ANK1: variants seen among roughly 807,000 people sequenced by gnomAD.
The protein encoded by ANK1 is ankyrin 1.
A neutral mutation model predicts 210.4 loss-of-function variants in ANK1; 51 were observed. That is an observed-to-expected ratio of 0.24 (90% CI 0.19 to 0.31). The LOEUF is 0.31. ANK1 is among the 10% of genes least tolerant of loss of function. The probability of loss-of-function intolerance (pLI) is 1.00; values close to 1 mark genes in which losing one functional copy is unlikely to be tolerated. For synonymous variants in ANK1, 967 were observed against 1,025.9 expected, an observed-to-expected ratio of 0.94 and a Z score of 1.10; for missense variants, 2,051 against 2,504.4, an observed-to-expected ratio of 0.82 and a Z score of 3.86.
intron 2 of ANK1, among the ~76,000 whole-genome samples, chr8:41,739,359 C>T (rs1314268399): frequency 6.6e-6 from 1 of 152,098 alleles, no homozygotes; most frequent in African/African-American, 2.4e-5. Context: ...TTTCCATCTA[C>T]TCATGAATGT....
At chr8:41,764,771 C>T (rs1203612500) in intron 1 of ANK1, among the ~76,000 whole-genome samples, 1 of 152,226 alleles carries the variant, frequency 6.6e-6, no homozygotes, top group African/African-American at 2.4e-5. Flanking sequence ...TCCCTGCTGC[C>T]TAATCAATGT....
chr8:41,877,829 AG>A (rs1563952024), intron 1 of ANK1, among the ~76,000 whole-genome samples: 2 of 152,228 alleles, frequency 1.3e-5, no homozygotes, highest in Non-Finnish European at 2.9e-5. Flanking sequence ...TCATGGCTGC[AG>A]AGAAGACAGG....
At chr8:41,664,944 T>A in intron 39 of ANK1, 2 of 1,614,250 alleles carry the variant, frequency 1.2e-6, no homozygotes, top group Non-Finnish European at 1.7e-6. Context: ...CCTGACAATG[T>A]GCATCACGTT....
At chr8:41,863,184 C>T (rs2150819523) in intron 1 of ANK1, among the ~76,000 whole-genome samples, 1 of 152,004 alleles carries the variant, frequency 6.6e-6, no homozygotes, top group East Asian at 1.9e-4. Flanking sequence ...CGGTGAAACC[C>T]CATCTCTACT....
chr8:41,751,336 G>A (rs1017341530), intron 2 of ANK1, among the ~76,000 whole-genome samples: 3 of 152,184 alleles, frequency 2.0e-5, no homozygotes, highest in Admixed American at 2.0e-4. Flanking sequence ...CCAATCATGG[G>A]TTTTGCCTCA....
At chr8:41,697,968 C>A in intron 24 of ANK1, 75 bp downstream of exon 24, 1 of 1,420,516 alleles carries the variant, frequency 7.0e-7, no homozygotes. Flanking sequence ...TACGTACAGG[C>A]CACCCCTCAA....
intron 1 of ANK1, among the ~76,000 whole-genome samples, chr8:41,761,121 ATG>A (rs1456566747): frequency 1.5e-5 from 2 of 136,454 alleles, no homozygotes; most frequent in African/African-American, 5.5e-5. Context: ...GAAGACACAC[ATG>A]CACACACACA....
At chr8:41,760,702 C>A (rs1438392511) in intron 1 of ANK1, among the ~76,000 whole-genome samples, 1 of 152,168 alleles carries the variant, frequency 6.6e-6, no homozygotes, top group African/African-American at 2.4e-5. Context: ...AGAGTAAAGC[C>A]TTTCTTGTCC....
In ANK1 at chr8:41,840,962, T is replaced by C. The variant is rs1357223031; in HGVS notation, c.126+55393A>G. ...TTATCCACTGATGGGGAATGAGAAA[T>C]GGTGTCGCTGCTACAGAGAACAGTG... On this transcript the variant is annotated intron_variant, in intron 1 of 42. Coordinates refer to the ANK1 transcript ENST00000265709. Among the ~76,000 whole-genome samples the C allele has an allele frequency of 2.6e-5, 4 of 152,244 alleles. No individual in the cohort carries two copies. In the East Asian group the frequency reaches 5.8e-4, roughly 22 times the overall value.
At chr8:41,759,713 C>T (rs1839991446) in intron 1 of ANK1, among the ~76,000 whole-genome samples, 1 of 152,140 alleles carries the variant, frequency 6.6e-6, no homozygotes, top group African/African-American at 2.4e-5. Context: ...ACAGGGGGTT[C>T]TGGAACCAAT....
At chr8:41,771,930 C>T (rs1161181236) in intron 1 of ANK1, among the ~76,000 whole-genome samples, 3 of 152,174 alleles carry the variant, frequency 2.0e-5, no homozygotes, top group Admixed American at 2.0e-4. Flanking sequence ...AGAACACAAG[C>T]CTGCAGCAAA....
intron 3 of ANK1, among the ~76,000 whole-genome samples, chr8:41,730,431 A>AGTCT (rs1189129241): frequency 3.4e-5 from 5 of 149,162 alleles, no homozygotes; most frequent in African/African-American, 4.9e-5. Context: ...AGTGAGACCC[A>AGTCT]GTCTGTCTGT....
intron 1 of ANK1, among the ~76,000 whole-genome samples, chr8:41,835,963 AG>A (rs1807614869): frequency 6.6e-6 from 1 of 152,138 alleles, no homozygotes; most frequent in African/African-American, 2.4e-5. Context: ...GGGAGAGGGC[AG>A]GGGGAGAGGC....
At chr8:41,855,543 C>G (rs1276954407) in intron 1 of ANK1, among the ~76,000 whole-genome samples, 1 of 152,190 alleles carries the variant, frequency 6.6e-6, no homozygotes, top group African/African-American at 2.4e-5. Flanking sequence ...CCCACAGAGC[C>G]ACTGCGGGCT....
rs117222764 is a variant in ANK1, at chr8:41,665,325, C to T, written c.5395-1583G>A. 8.5e-4 allele frequency: 1,147 copies of T among 1,346,068 alleles called. 14 individuals carry two copies. In the East Asian group the frequency reaches 0.025, roughly 30 times the overall value. The allele number at this position is 1,346,068 out of a possible 1,614,324, so 83.4% of individuals were successfully genotyped here. Reference sequence around the variant, plus strand: ...AATTTTACCTCCCCAAACCAGCTGCCGGAGCTGTCCAACCGGGCTAGAAGG... The same window carrying T: ...AATTTTACCTCCCCAAACCAGCTGCTGGAGCTGTCCAACCGGGCTAGAAGG... On this transcript the variant is annotated intron_variant, in intron 39 of 42. Transcript: ENST00000289734.
chr8:41,753,652 C>T (rs751688318), intron 2 of ANK1, among the ~76,000 whole-genome samples: 4 of 152,126 alleles, frequency 2.6e-5, no homozygotes, highest in Non-Finnish European at 4.4e-5. Context: ...GTAGTGAACA[C>T]GGTACCCAAT....
chr8:41,683,753 C>T (rs1037763929), intron 37 of ANK1, among the ~76,000 whole-genome samples: 1 of 152,140 alleles, frequency 6.6e-6, no homozygotes, highest in African/African-American at 2.4e-5. Context: ...ACCTCCTGGC[C>T]GGAGAGTGGG....
Position 41,767,322 on chromosome 8 carries a change from G to A in ANK1, c.28-9185C>T, listed in dbSNP as rs551240239. On this transcript the variant is annotated intron_variant, in intron 1 of 42. Coordinates refer to ENST00000289734, the MANE Select transcript of ANK1 (RefSeq NM_000037.4). ...GCGCCCCGGCCCCGGCCGGGCAACCGCGACAGCTCGTGCACTCACCGCAGG... is the reference window on the plus strand; with the variant it reads ...GCGCCCCGGCCCCGGCCGGGCAACCACGACAGCTCGTGCACTCACCGCAGG... Among the ~76,000 whole-genome samples, 14 of 151,356 alleles carry A rather than the reference G, an allele frequency of 9.2e-5. No individual in the cohort carries two copies. The South Asian group carries it at 2.9e-3, about 32-fold the overall frequency.
chr8:41,674,225 C>G (rs1585952782), intron 37 of ANK1, among the ~76,000 whole-genome samples: 1 of 152,204 alleles, frequency 6.6e-6, no homozygotes, highest in Non-Finnish European at 1.5e-5. Context: ...ACTCACTGTT[C>G]AACCAAAATA....
Sources: gnomAD v4.1 joint callset for allele counts (sites outside exome capture counted in the v4.1 genomes callset) on GRCh38, gnomAD v4.1.1 for gene constraint, MANE v1.5 for transcripts, NCBI Gene and HGNC (gene_info 2026-07-23, HGNC 2026-07-21) for gene names.